Variants in LYPLAL1 observed in about 807,000 individuals in gnomAD.
The protein encoded by LYPLAL1 is lysophospholipase like 1, also known as lysophospholipase-like protein 1.
A neutral mutation model predicts 19.7 loss-of-function variants in LYPLAL1; 23 were observed. The ratio of observed to expected loss-of-function variants is 1.17; its 90% CI spans 0.84 to 1.65. The LOEUF (loss-of-function observed/expected upper bound fraction) is 1.65. Ranked by LOEUF, LYPLAL1 falls within the 40% of genes most tolerant of loss-of-function variation. LYPLAL1 has a pLI of 0.00. For synonymous variants in LYPLAL1, 119 were observed against 96.3 expected, an observed-to-expected ratio of 1.24 and a Z score of -1.38; for missense variants, 355 against 279.4, an observed-to-expected ratio of 1.27 and a Z score of -1.93.
the LYPLAL1 span, among the ~76,000 whole-genome samples, chr1:219,377,316 GTTTC>G: frequency 6.6e-6 from 1 of 152,178 alleles, no homozygotes; most frequent in East Asian, 1.9e-4. Context: ...AAGAATGGCT[GTTTC>G]TAGGGACTAG....
chr1:219,206,613 T>C (rs1297925722), intron 3 of LYPLAL1, among the ~76,000 whole-genome samples: 1 of 152,050 alleles, frequency 6.6e-6, no homozygotes, highest in African/African-American at 2.4e-5. Flanking sequence ...ATGAGTATAT[T>C]TTTCTTCATT....
At chr1:219,250,159 C>A in the LYPLAL1 span, among the ~76,000 whole-genome samples, 1 of 152,010 alleles carries the variant, frequency 6.6e-6, no homozygotes, top group Non-Finnish European at 1.5e-5. Context: ...GTATATTACT[C>A]TTTAGATCTA....
chr1:219,398,273 C>T, the LYPLAL1 span, among the ~76,000 whole-genome samples: 5 of 151,976 alleles, frequency 3.3e-5, no homozygotes, highest in African/African-American at 1.2e-4. Flanking sequence ...TTTCTCTATT[C>T]TTGTCTGACT....
At chr1:219,269,230 TGAG>T in the LYPLAL1 span, among the ~76,000 whole-genome samples, 10 of 152,296 alleles carry the variant, frequency 6.6e-5, 3 homozygotes, top group African/African-American at 2.4e-4. Flanking sequence ...CTGGGAATCT[TGAG>T]GAGTAGAAGG....
chr1:219,227,671 G>C, the LYPLAL1 span, among the ~76,000 whole-genome samples: 2 of 152,084 alleles, frequency 1.3e-5, no homozygotes, highest in Non-Finnish European at 2.9e-5. Flanking sequence ...ATTGAAAAAT[G>C]ACATTTAAAA....
At chr1:219,315,673 G>A in the LYPLAL1 span, among the ~76,000 whole-genome samples, 1 of 152,216 alleles carries the variant, frequency 6.6e-6, no homozygotes, top group East Asian at 1.9e-4. Flanking sequence ...CAATACAACT[G>A]GTTTCACCCA....
the LYPLAL1 span, among the ~76,000 whole-genome samples, chr1:219,296,611 C>A: frequency 6.6e-6 from 1 of 152,118 alleles, no homozygotes; most frequent in South Asian, 2.1e-4. Context: ...GGGAAGCTAA[C>A]AAAACACCCT....
At chr1:219,272,146 C>G in the LYPLAL1 span, 1 of 152,250 alleles carries the variant, frequency 6.6e-6, no homozygotes, top group African/African-American at 2.4e-5. Flanking sequence ...CTGGAAGCTT[C>G]TACACTTATG....
At chr1:219,326,966 G>A in the LYPLAL1 span, among the ~76,000 whole-genome samples, 2 of 152,222 alleles carry the variant, frequency 1.3e-5, no homozygotes, top group Admixed American at 6.5e-5. Flanking sequence ...GGGCGCAGTG[G>A]CTCACGCCTG....
At chr1:219,284,336 A>G in the LYPLAL1 span, among the ~76,000 whole-genome samples, 1 of 152,306 alleles carries the variant, frequency 6.6e-6, no homozygotes, top group Non-Finnish European at 1.5e-5. Flanking sequence ...AGATCAAACA[A>G]TCCCAGAGGA....
At chr1:219,427,114 A>G in the LYPLAL1 span, among the ~76,000 whole-genome samples, 2 of 152,342 alleles carry the variant, frequency 1.3e-5, no homozygotes, top group East Asian at 3.9e-4. Context: ...AAGATTTCCC[A>G]TGTGGTCCTA....
At chr1:219,356,431 C>T in the LYPLAL1 span, among the ~76,000 whole-genome samples, 3 of 152,060 alleles carry the variant, frequency 2.0e-5, no homozygotes, top group African/African-American at 7.2e-5. Flanking sequence ...ACCCGGGAGG[C>T]GGAGGTCGCA....
At chr1:219,241,346 A>G in the LYPLAL1 span, among the ~76,000 whole-genome samples, 1 of 151,686 alleles carries the variant, frequency 6.6e-6, no homozygotes, top group African/African-American at 2.4e-5. Flanking sequence ...TTATCTATTG[A>G]CACTGCGAGA....
chr1:219,263,332 C>T, the LYPLAL1 span, among the ~76,000 whole-genome samples: 1 of 152,162 alleles, frequency 6.6e-6, no homozygotes, highest in African/African-American at 2.4e-5. Context: ...AGGCCAGTCT[C>T]ACTTCTGCTG....
At chr1:219,314,396 C>G in the LYPLAL1 span, among the ~76,000 whole-genome samples, 1 of 152,316 alleles carries the variant, frequency 6.6e-6, no homozygotes, top group Non-Finnish European at 1.5e-5. Context: ...TGAGAAATCA[C>G]CAAACTGCTT....
At chr1:219,292,604 C>A in the LYPLAL1 span, among the ~76,000 whole-genome samples, 2 of 152,174 alleles carry the variant, frequency 1.3e-5, no homozygotes, top group Non-Finnish European at 2.9e-5. Context: ...AGCACAGCTG[C>A]CTTTTACACC....
the LYPLAL1 span, among the ~76,000 whole-genome samples, chr1:219,345,541 A>C: frequency 2.6e-5 from 4 of 152,312 alleles, no homozygotes; most frequent in East Asian, 7.7e-4. Flanking sequence ...GAAATGATGT[A>C]CATGTGTGCT....
At chr1:219,425,784 A>G in the LYPLAL1 span, among the ~76,000 whole-genome samples, 1 of 152,244 alleles carries the variant, frequency 6.6e-6, no homozygotes, top group Admixed American at 6.5e-5. Context: ...GTCATACCAT[A>G]CAAAGATACC....
the LYPLAL1 span, among the ~76,000 whole-genome samples, chr1:219,419,580 C>CAGAG: frequency 6.2e-3 from 739 of 120,114 alleles, 13 homozygotes; most frequent in African/African-American, 0.023. Flanking sequence ...CACACACACA[C>CAGAG]ACACACACAC....
Sources: allele counts gnomAD v4.1 joint callset (sites outside exome capture counted in the v4.1 genomes callset), GRCh38; gene constraint gnomAD v4.1.1; transcripts MANE v1.5; gene names NCBI Gene and HGNC (gene_info 2026-07-23, HGNC 2026-07-21).